Variants in TMEM132C observed in about 807,000 individuals in gnomAD.
TMEM132C encodes the protein transmembrane protein 132C.
TMEM132C carries 29 observed loss-of-function variants against 61.4 expected under a neutral mutation model. That is an observed-to-expected ratio of 0.47 (90% CI 0.35 to 0.64). TMEM132C has a LOEUF of 0.64. Among genes scored for constraint, TMEM132C ranks in the 30% least tolerant of loss-of-function variants. The pLI, the probability that TMEM132C is intolerant of heterozygous loss-of-function variation, is 0.00. For synonymous variants in TMEM132C, 656 were observed against 633.1 expected (o/e 1.04, Z -0.54); for missense variants, 1,408 against 1,476.9 (o/e 0.95, Z 0.76).
intron 2 of TMEM132C, among the ~76,000 whole-genome samples, chr12:128,439,754 G>T (rs939502925): frequency 5.9e-5 from 9 of 152,072 alleles, no homozygotes; most frequent in Non-Finnish European, 1.3e-4. Context: ...AGTGGGGAGG[G>T]GGTCAAAGGG....
chr12:128,627,845 A>G (rs1954030756), intron 4 of TMEM132C, among the ~76,000 whole-genome samples: 1 of 152,184 alleles, frequency 6.6e-6, no homozygotes, highest in Non-Finnish European at 1.5e-5. Context: ...CAGTGCCATG[A>G]AAAGGAGGCC....
At chr12:128,560,784 T>C (rs1294755247) in intron 3 of TMEM132C, among the ~76,000 whole-genome samples, 1 of 152,220 alleles carries the variant, frequency 6.6e-6, no homozygotes, top group Non-Finnish European at 1.5e-5. Flanking sequence ...GAGTGAAAGA[T>C]CTTTGTAACA....
At chr12:128,449,136 C>CAA (rs141298455) in intron 2 of TMEM132C, among the ~76,000 whole-genome samples, 3,781 of 50,284 alleles carry the variant, frequency 0.075, 248 homozygotes, top group Non-Finnish European at 0.12. Context: ...GACTCTGTCT[C>CAA]AAAAAAAAAA....
chr12:128,280,501 A>G (rs1036773102), intron 1 of TMEM132C, among the ~76,000 whole-genome samples: 4 of 152,192 alleles, frequency 2.6e-5, no homozygotes, highest in African/African-American at 9.7e-5. Flanking sequence ...TAATATCCTT[A>G]TATAAGGAAA....
rs781540617 is a variant in TMEM132C, at chr12:128,315,130, G to A, written c.85+47643G>A. Among the ~76,000 whole-genome samples, 19 of 152,238 alleles carry A rather than the reference G, an allele frequency of 1.2e-4. 1 individual carries two copies. Among genetic ancestry groups the A allele is most frequent in the Admixed American group, 2.0e-4 (3 of 15,300 alleles). The stretch of plus-strand genomic sequence containing the variant: ...AATGAGGAGGCATCTGATCAGGGAC[G>A]GGGACAGTTTGAAGGACCAGGCACA... On this transcript the variant is annotated intron_variant, in intron 1 of 8. Transcript: ENST00000435159.
At chr12:128,476,819 G>C (rs1208046387) in intron 2 of TMEM132C, among the ~76,000 whole-genome samples, 1 of 142,438 alleles carries the variant, frequency 7.0e-6, no homozygotes, top group Non-Finnish European at 1.5e-5. Flanking sequence ...AGCTAGATTT[G>C]AGCAGCATTT....
intron 3 of TMEM132C, among the ~76,000 whole-genome samples, chr12:128,604,942 TA>T (rs988405382): frequency 6.7e-6 from 1 of 148,482 alleles, no homozygotes; most frequent in Non-Finnish European, 1.5e-5. Flanking sequence ...GCATAGATAA[TA>T]AATAGATGGA....
At chr12:128,363,109 A>G (rs1457447905) in intron 1 of TMEM132C, among the ~76,000 whole-genome samples, 2 of 152,272 alleles carry the variant, frequency 1.3e-5, no homozygotes, top group Non-Finnish European at 2.9e-5. Context: ...ATTTACTGAC[A>G]GTACCATCAC....
chr12:128,460,413 A>G (rs1264823495), intron 2 of TMEM132C, among the ~76,000 whole-genome samples: 1 of 152,158 alleles, frequency 6.6e-6, no homozygotes, highest in Non-Finnish European at 1.5e-5. Flanking sequence ...TAGTAAGTCC[A>G]CTTGTTCAAG....
intron 1 of TMEM132C, among the ~76,000 whole-genome samples, chr12:128,339,993 TA>T (rs1293307440): frequency 6.6e-6 from 1 of 152,214 alleles, no homozygotes; most frequent in African/African-American, 2.4e-5. Flanking sequence ...AGACATTTTT[TA>T]AAAAAGAACA....
chr12:128,628,739 A>G (rs114710857), intron 4 of TMEM132C, among the ~76,000 whole-genome samples: 1,532 of 152,260 alleles, frequency 0.01, 32 homozygotes, highest in African/African-American at 0.034. Flanking sequence ...CCCGGAGGCG[A>G]GGGACTCTGA....
chr12:128,512,031 G>T (rs149264178), intron 2 of TMEM132C, among the ~76,000 whole-genome samples: 2 of 151,534 alleles, frequency 1.3e-5, no homozygotes, highest in African/African-American at 2.4e-5. Context: ...ACAACCCAAG[G>T]CCCCTCGAGC....
intron 4 of TMEM132C, among the ~76,000 whole-genome samples, chr12:128,627,532 A>G (rs1380951167): frequency 1.3e-5 from 2 of 152,060 alleles, no homozygotes; most frequent in East Asian, 3.9e-4. Context: ...CTAGTCTCCC[A>G]CCAGACACTC....
intron 2 of TMEM132C, among the ~76,000 whole-genome samples, chr12:128,450,477 A>G (rs1870142541): frequency 6.6e-6 from 1 of 152,230 alleles, no homozygotes; most frequent in East Asian, 1.9e-4. Flanking sequence ...TGACAGTTGA[A>G]TGATTAAAGA....
chr12:128,328,823 A>G (rs184170630), intron 1 of TMEM132C, among the ~76,000 whole-genome samples: 3 of 151,126 alleles, frequency 2.0e-5, no homozygotes, highest in African/African-American at 4.9e-5. Flanking sequence ...CTAAAGCCGC[A>G]ATTACTTTTG....
intron 1 of TMEM132C, among the ~76,000 whole-genome samples, chr12:128,299,534 C>T (rs183385894): frequency 1.1e-3 from 173 of 152,160 alleles, no homozygotes; most frequent in African/African-American, 4.0e-3. Context: ...CAGAGACAAG[C>T]GAGACAGTAA....
intron 1 of TMEM132C, among the ~76,000 whole-genome samples, chr12:128,304,090 T>C (rs1023827224): frequency 1.3e-5 from 2 of 152,178 alleles, no homozygotes; most frequent in African/African-American, 4.8e-5. Flanking sequence ...ATTTGTTACG[T>C]AACAGCTGAC....
At chr12:128,640,479 T>C (rs11615089) in intron 4 of TMEM132C, among the ~76,000 whole-genome samples, 16,401 of 152,016 alleles carry the variant, frequency 0.11, 1,046 homozygotes, top group African/African-American at 0.17. Context: ...TGGGAGGGAC[T>C]GGGGGCAACT....
chr12:128,625,947 C>T (rs570639727), intron 4 of TMEM132C, among the ~76,000 whole-genome samples: 54 of 152,310 alleles, frequency 3.5e-4, no homozygotes, highest in African/African-American at 1.3e-3. Context: ...TGCCACCAAA[C>T]TCACACATTT....
Sources: gnomAD v4.1 joint callset for allele counts (sites outside exome capture counted in the v4.1 genomes callset) on GRCh38, gnomAD v4.1.1 for gene constraint, MANE v1.5 for transcripts, NCBI Gene and HGNC (gene_info 2026-07-23, HGNC 2026-07-21) for gene names.